UPF3B: variants seen among roughly 807,000 people sequenced by gnomAD.
UPF3B encodes UPF3B regulator of nonsense mediated mRNA decay, also known as regulator of nonsense transcripts 3B.
UPF3B carries 7 observed loss-of-function variants against 40.3 expected under a neutral mutation model. The observed-to-expected ratio is 0.17, with a 90% CI of 0.10 to 0.33. The LOEUF (loss-of-function observed/expected upper bound fraction) is 0.33, where lower values mean the gene tolerates loss of function less well. Among genes scored for constraint, UPF3B ranks in the 10% least tolerant of loss-of-function variants. The pLI is 1.00. For missense variants in UPF3B, 229 were observed against 358.9 expected (o/e 0.64, Z 2.93); for synonymous variants, 117 against 117.3 (o/e 1.00, Z 0.01).
chrX:119,845,290 TCCTGA>T lies in UPF3B; in HGVS notation c.372_376del (p.Gln125IlefsTer19). ...TGCAAATTCTACTATAGCGGGATAT[TCCTGA>T]CCTGTTTAGAAAAAAAATACCACAC... On this transcript the variant is annotated frameshift_variant and splice_region_variant, in exon 4 of 11. Transcript: ENST00000276201. LOFTEE classifies it high-confidence loss of function. 1 of 1,203,317 alleles carries T rather than the reference TCCTGA, an allele frequency of 8.3e-7. No homozygotes were observed. The highest frequency in any genetic ancestry group is 1.1e-6 in the Non-Finnish European group (1 of 888,737).
At chrX:119,811,186 G>A (rs766026513) in intron 5 of UPF3B, among the ~76,000 whole-genome samples, 6 of 110,407 alleles carry the variant, frequency 5.4e-5, no homozygotes, top group Admixed American at 1.9e-4. Flanking sequence ...CTACAGGTAC[G>A]CGACACAACA....
chrX:119,831,611 G>A (rs1047114264), downstream of UPF3B: 46 of 648,884 alleles, frequency 7.1e-5, no homozygotes, highest in African/African-American at 7.6e-4. Context: ...GCGCCACCAC[G>A]CCTGGCCTCC....
chrX:119,832,916 C>T (rs147007619), downstream of UPF3B, among the ~76,000 whole-genome samples: 107 of 111,899 alleles, frequency 9.6e-4, no homozygotes, highest in African/African-American at 3.2e-3. Context: ...GACTACCTAA[C>T]GTATGCATGC....
At chrX:119,829,948 A>ATCTC (rs1466053456), downstream of UPF3B, among the ~76,000 whole-genome samples, 2 of 111,511 alleles carry the variant, frequency 1.8e-5, no homozygotes, top group African/African-American at 3.3e-5. Flanking sequence ...GTCTTCCTTA[A>ATCTC]TCTGTGGCAT....
At chrX:119,832,851 A>C (rs1043413534), downstream of UPF3B, among the ~76,000 whole-genome samples, 6 of 111,773 alleles carry the variant, frequency 5.4e-5, no homozygotes, top group Middle Eastern at 4.6e-3. Context: ...ACATCTGTGA[A>C]TACCATAGAA....
Position 119,841,589 on chromosome X carries a change from G to A in UPF3B, c.624+146C>T, listed in dbSNP as rs1603370663. The A allele has an allele frequency of 7.9e-6, 5 of 632,263 alleles. No homozygotes were observed. The East Asian group carries it at 1.6e-4, about 20-fold the overall frequency. 52.1% of individuals were successfully genotyped at this position (632,263 alleles called of 1,213,427 possible). ...CCAGAGTGAAGGAGCAGGCTAGAGAGTGAGACCAAGAAGGCAAATCCTTAA... is the reference window on the plus strand; with the variant it reads ...CCAGAGTGAAGGAGCAGGCTAGAGAATGAGACCAAGAAGGCAAATCCTTAA... On this transcript the variant is annotated intron_variant, in intron 6 of 10. Coordinates refer to ENST00000276201, the MANE Select transcript of UPF3B (RefSeq NM_080632.3).
At chrX:119,833,203 A>G (rs1423179080), downstream of UPF3B, among the ~76,000 whole-genome samples, 1 of 112,621 alleles carries the variant, frequency 8.9e-6, no homozygotes, top group East Asian at 2.8e-4. Flanking sequence ...TTGTTTAGAC[A>G]GCCAAGGTCT....
intron 4 of UPF3B, among the ~76,000 whole-genome samples, chrX:119,817,955 A>G (rs1200204788): frequency 8.9e-6 from 1 of 111,862 alleles, no homozygotes; most frequent in Non-Finnish European, 1.9e-5. Context: ...GCAGCAGGTC[A>G]TCCACATCAA....
chrX:119,843,866 A>G (rs889320151), intron 4 of UPF3B, among the ~76,000 whole-genome samples: 6 of 112,131 alleles, frequency 5.4e-5, no homozygotes, highest in Admixed American at 1.9e-4. Context: ...AATAGTAACA[A>G]ATGATGGAAA....
At chrX:119,807,028 A>G (rs1378359606) in intron 6 of UPF3B, among the ~76,000 whole-genome samples, 12 of 71,127 alleles carry the variant, frequency 1.7e-4, no homozygotes. Flanking sequence ...GACCCTGTCT[A>G]AAAAAAAAAA....
chrX:119,836,432 C>A (rs191678679), intron 10 of UPF3B, among the ~76,000 whole-genome samples: 1 of 110,758 alleles, frequency 9.0e-6, no homozygotes, highest in African/African-American at 3.3e-5. Context: ...ATAGACAGGA[C>A]GTTAAGGAAT....
intron 5 of UPF3B, among the ~76,000 whole-genome samples, chrX:119,813,288 T>C (rs1044699704): frequency 1.8e-5 from 2 of 110,945 alleles, no homozygotes; most frequent in East Asian, 2.8e-4. Context: ...AGGTGGGTCC[T>C]GGTGGGGTGT....
downstream of UPF3B, chrX:119,831,590 AT>A (rs1452757750): frequency 2.2e-5 from 12 of 542,410 alleles, no homozygotes; most frequent in Non-Finnish European, 2.7e-5. Context: ...AAGTGCTGGG[AT>A]TACAGGTGTG....
intron 4 of UPF3B, among the ~76,000 whole-genome samples, chrX:119,817,064 G>T (rs1488547230): frequency 1.8e-5 from 2 of 111,683 alleles, no homozygotes; most frequent in Non-Finnish European, 3.8e-5. Flanking sequence ...CTGCCCTTCA[G>T]GTTTAGGCGC....
At position 119,837,796 on chromosome X, in the gene UPF3B, CTTTT is replaced by C. The variant is rs2056115412; in HGVS notation, c.1259_1262del (p.Glu420GlyfsTer11). 8.3e-7 allele frequency: 1 copy of C among 1,208,755 alleles called. No homozygotes were observed. Among genetic ancestry groups the C allele is most frequent in the Non-Finnish European group, 1.1e-6 (1 of 895,098 alleles). On this transcript the variant is annotated frameshift_variant, in exon 10 of 11. Transcript: ENST00000276201. LOFTEE classifies it high-confidence loss of function. ...GATCTCTCTTGACCACTTCTTCTTTCTTTTCAGTTTTTTCTGAGCTGCCTATTGA... is the reference window on the plus strand; with the variant it reads ...GATCTCTCTTGACCACTTCTTCTTTCCAGTTTTTTCTGAGCTGCCTATTGA...
intron 3 of UPF3B, among the ~76,000 whole-genome samples, chrX:119,850,592 A>G (rs2056290591): frequency 2.7e-5 from 3 of 112,387 alleles, no homozygotes; most frequent in Admixed American, 1.9e-4. Flanking sequence ...CTATTTACCT[A>G]TAATTGCAAA....
downstream of UPF3B, among the ~76,000 whole-genome samples, chrX:119,830,688 A>G (rs1418633208): frequency 9.1e-6 from 1 of 109,411 alleles, no homozygotes; most frequent in African/African-American, 3.3e-5. Context: ...GCAGAAAGTA[A>G]TATCATTCCT....
At chrX:119,847,709 G>A (rs1268737185) in intron 3 of UPF3B, among the ~76,000 whole-genome samples, 2 of 110,264 alleles carry the variant, frequency 1.8e-5, no homozygotes, top group Non-Finnish European at 3.8e-5. Flanking sequence ...GGAGGTTGCA[G>A]TGAGCCAAGA....
At chrX:119,806,126 A>T (rs1243806947) in intron 6 of UPF3B, among the ~76,000 whole-genome samples, 83 of 75,114 alleles carry the variant, frequency 1.1e-3, no homozygotes, top group African/African-American at 3.6e-3. Context: ...AATGTGGCAC[A>T]TATACACCAT....
Sources: allele counts gnomAD v4.1 joint callset (sites outside exome capture counted in the v4.1 genomes callset), GRCh38; gene constraint gnomAD v4.1.1; transcripts MANE v1.5; gene names NCBI Gene and HGNC (gene_info 2026-07-23, HGNC 2026-07-21).